FBXL18: variants seen among roughly 807,000 people sequenced by gnomAD.
FBXL18 encodes the protein F-box/LRR-repeat protein 18.
In FBXL18, 36 loss-of-function variants were observed where a neutral mutation model predicts 46.0. The ratio of observed to expected loss-of-function variants is 0.78; its 90% CI spans 0.60 to 1.03. The LOEUF (loss-of-function observed/expected upper bound fraction) is 1.03, where lower values mean the gene tolerates loss of function less well. Among genes scored for constraint, FBXL18 ranks in the 50% least tolerant of loss-of-function variants. The pLI is 0.00. For synonymous variants in FBXL18, 557 were observed against 465.3 expected, an observed-to-expected ratio of 1.20 and a Z score of -2.54; for missense variants, 977 against 1,004.1, an observed-to-expected ratio of 0.97 and a Z score of 0.36.
chr7:5,487,050 G>A (rs1228575565), intron 4 of FBXL18, among the ~76,000 whole-genome samples: 1 of 152,234 alleles, frequency 6.6e-6, no homozygotes, highest in Non-Finnish European at 1.5e-5. Flanking sequence ...GCCGGTTCCC[G>A]GGAGCCCCAG....
chr7:5,467,689 G>A (rs1406737224), intron 4 of FBXL18, among the ~76,000 whole-genome samples: 1 of 152,152 alleles, frequency 6.6e-6, no homozygotes, highest in African/African-American at 2.4e-5. Context: ...CTCCGCCTCT[G>A]GGGTCCTCAA....
chr7:5,500,443 G>C, intron 3 of FBXL18, 45 bp downstream of exon 3: 1 of 1,527,758 alleles, frequency 6.5e-7, no homozygotes, highest in Non-Finnish European at 8.8e-7. Flanking sequence ...AGTTCCCTCC[G>C]CCAGCTTCCA....
At chr7:5,510,299 T>C (rs1319372629) in intron 1 of FBXL18, among the ~76,000 whole-genome samples, 3 of 106,730 alleles carry the variant, frequency 2.8e-5, no homozygotes, top group African/African-American at 1.1e-4. Flanking sequence ...TAAGACTCTG[T>C]CTCAAAAAAA....
chr7:5,469,406 T>C (rs1783393630), intron 4 of FBXL18, among the ~76,000 whole-genome samples: 1 of 152,132 alleles, frequency 6.6e-6, no homozygotes, highest in African/African-American at 2.4e-5. Flanking sequence ...GGCAAGACTG[T>C]CTCAAAAAAA....
At chr7:5,475,296 T>C (rs1783491377), downstream of FBXL18, among the ~76,000 whole-genome samples, 1 of 152,028 alleles carries the variant, frequency 6.6e-6, no homozygotes, top group Non-Finnish European at 1.5e-5. The surrounding 1 kb of genome is among the most constrained non-coding windows in gnomAD (Gnocchi z 4.2). Flanking sequence ...CCCTCCAGCC[T>C]GGGCGACAGA....
downstream of FBXL18, among the ~76,000 whole-genome samples, chr7:5,475,125 C>G (rs1398889795): frequency 6.6e-6 from 1 of 151,104 alleles, no homozygotes; most frequent in Non-Finnish European, 1.5e-5. This position sits in a 1 kb window ranked among gnomAD's most constrained non-coding sequence, Gnocchi z 4.2. Flanking sequence ...TCGAGACCAG[C>G]CTGGTCAACA....
rs755419650 is a variant in FBXL18, at chr7:5,501,752, C to T, written c.517G>A (p.Val173Met). 3.2e-6 allele frequency: 5 copies of T among 1,559,910 alleles called. No individual in the cohort carries two copies. Among genetic ancestry groups the T allele is most frequent in the East Asian group, 4.8e-5 (2 of 41,764 alleles). ...SSECKATLSRVRELKQTLFTP... is the reference protein window; with the variant it reads ...SSECKATLSRMRELKQTLFTP... ...AACAGCGTCTGCTTGAGCTCCCGCA[C>T]GCGGCTCAGGGTGGCCTTGCACTCG... is the stretch of plus-strand genomic sequence containing the variant. Residue 173 changes from valine to methionine, a missense_variant, in exon 3 of 5, where the codon GTG (valine) becomes ATG (methionine). Transcript: ENST00000382368.
downstream of FBXL18, among the ~76,000 whole-genome samples, chr7:5,471,490 A>G (rs1783426521): frequency 6.6e-6 from 1 of 152,076 alleles, no homozygotes; most frequent in East Asian, 1.9e-4. Context: ...GTTAGCCAGG[A>G]TGGTCTCAAT....
chr7:5,478,011 G>A lies in FBXL18; in HGVS notation c.*3764C>T, dbSNP rs759368269. Reference sequence around the variant, plus strand: ...CCAGCCCCGGTCCCCTGGGTCCAACGGCCTGTGGCTCTGGGTCCGGACCCA... The same window carrying A: ...CCAGCCCCGGTCCCCTGGGTCCAACAGCCTGTGGCTCTGGGTCCGGACCCA... On this transcript the variant is annotated 3_prime_UTR_variant, in exon 5 of 5. Coordinates refer to ENST00000382368, the MANE Select transcript of FBXL18 (RefSeq NM_024963.6). 2.6e-5 allele frequency: 4 copies of A among 152,362 alleles called. No individual in the cohort carries two copies. Among genetic ancestry groups the A allele is most frequent in the African/African-American group, 4.8e-5 (2 of 41,476 alleles). 9.4% of individuals were successfully genotyped at this position (152,362 alleles called of 1,614,324 possible).
intron 4 of FBXL18, among the ~76,000 whole-genome samples, chr7:5,467,291 C>T (rs1002241705): frequency 6.6e-6 from 1 of 152,112 alleles, no homozygotes; most frequent in Non-Finnish European, 1.5e-5. Flanking sequence ...GCGGAGCTTG[C>T]AGTGAGCCGA....
At chr7:5,502,513 C>A (rs901196093) in intron 2 of FBXL18, among the ~76,000 whole-genome samples, 16 of 148,860 alleles carry the variant, frequency 1.1e-4, no homozygotes, top group African/African-American at 4.0e-4. Context: ...CCAGCCTGGG[C>A]AACAGAAAGA....
chr7:5,483,697 T>C (rs1393446573), intron 4 of FBXL18, among the ~76,000 whole-genome samples: 1 of 151,598 alleles, frequency 6.6e-6, no homozygotes, highest in Non-Finnish European at 1.5e-5. Flanking sequence ...TGAGCCGAGA[T>C]TGCGCCACTG....
downstream of FBXL18, among the ~76,000 whole-genome samples, chr7:5,472,802 C>A (rs896483696): frequency 6.6e-6 from 1 of 152,190 alleles, no homozygotes; most frequent in Admixed American, 6.5e-5. Flanking sequence ...CAAATACCTG[C>A]CCTGGAGAAG....
chr7:5,487,230 G>T (rs1432681298), intron 4 of FBXL18, among the ~76,000 whole-genome samples: 2 of 152,274 alleles, frequency 1.3e-5, no homozygotes, highest in Non-Finnish European at 2.9e-5. Flanking sequence ...CGTGACCGGG[G>T]CCGGCGTGGA....
chr7:5,470,539 C>T (rs893140486), intron 4 of FBXL18, among the ~76,000 whole-genome samples: 1 of 152,182 alleles, frequency 6.6e-6, no homozygotes, highest in Non-Finnish European at 1.5e-5. Context: ...AAGGGCCTGG[C>T]CAGCAAGTCA....
chr7:5,457,072 T>TC (rs1201974041), intron 4 of FBXL18, among the ~76,000 whole-genome samples: 1 of 152,178 alleles, frequency 6.6e-6, no homozygotes, highest in Non-Finnish European at 1.5e-5. Flanking sequence ...CCTAGGGCTG[T>TC]CCCCTCTAAG....
In FBXL18 at chr7:5,501,592, T is replaced by G; in HGVS notation, c.677A>C (p.His226Pro). Residue 226 changes from histidine to proline, a missense_variant, in exon 3 of 5, where the codon CAC becomes CCC. Transcript: ENST00000382368. ...QLMVGQSNVPHYQNLRVFYAR... is the reference protein window; with the variant it reads ...QLMVGQSNVPPYQNLRVFYAR... ...ATAGAAGACCCGCAGGTTCTGGTAGTGCGGCACGTTGCTCTGGCCCACCAT... is the reference window on the plus strand; with the variant it reads ...ATAGAAGACCCGCAGGTTCTGGTAGGGCGGCACGTTGCTCTGGCCCACCAT... The G allele has an allele frequency of 1.9e-6, 3 of 1,613,856 alleles. No homozygotes were observed. Among genetic ancestry groups the G allele is most frequent in the Non-Finnish European group, 2.5e-6 (3 of 1,179,994 alleles).
chr7:5,501,509 G>C lies in FBXL18; in HGVS notation c.760C>G (p.Leu254Val). ...QEVVRLYLAV[L>V]SDRTPQNLHA... is the part of the protein sequence containing the mutation. ...AGGTTCTGAGGAGTGCGGTCGCTAA[G>C]CACAGCCAGGTAGAGCCGCACCACC... Residue 254 changes from leucine (L) to valine (V), a missense_variant, in exon 3 of 5, where the codon CTT (leucine) becomes GTT (valine). Physicochemically the swap from Leu to Val is conservative, Grantham distance 32 (BLOSUM62 1). Transcript: ENST00000382368. 2 of 1,613,962 alleles carry C rather than the reference G, an allele frequency of 1.2e-6. No homozygotes were observed. The highest frequency in any genetic ancestry group is 1.7e-6 in the Non-Finnish European group (2 of 1,180,036).
At chr7:5,470,027 G>A (rs1291955392) in intron 4 of FBXL18, among the ~76,000 whole-genome samples, 5 of 152,154 alleles carry the variant, frequency 3.3e-5, no homozygotes, top group African/African-American at 7.2e-5. Flanking sequence ...GGGCGTGGGC[G>A]TGGGGCCGTT....
Sources: allele counts gnomAD v4.1 joint callset (sites outside exome capture counted in the v4.1 genomes callset), GRCh38; gene constraint gnomAD v4.1.1; non-coding constraint Gnocchi (gnomAD v3.1); transcripts MANE v1.5; gene names NCBI Gene and HGNC (gene_info 2026-07-23, HGNC 2026-07-21).